The following SORCS2 variants were observed in gnomAD, a reference collection of about 807,000 sequenced individuals.
SORCS2 encodes the protein sortilin related VPS10 domain containing receptor 2.
A neutral mutation model predicts 141.6 loss-of-function variants in SORCS2; 100 were observed. That is an observed-to-expected ratio of 0.71 (90% CI 0.60 to 0.83). SORCS2 has a LOEUF of 0.83. Ranked by LOEUF, SORCS2 falls within the 40% of genes least tolerant of loss-of-function variation. The pLI, the probability that SORCS2 is intolerant of heterozygous loss-of-function variation, is 0.00. For missense variants in SORCS2, 1,646 were observed against 1,560.2 expected (o/e 1.05, Z -0.93); for synonymous variants, 789 against 676.9 (o/e 1.17, Z -2.57).
In SORCS2 at chr4:7,386,495, G is replaced by A. The variant is rs570583580; in HGVS notation, c.481-9793G>A. On this transcript the variant is annotated intron_variant, in intron 1 of 26. Coordinates refer to ENST00000507866, the MANE Select transcript of SORCS2 (RefSeq NM_020777.3). Reference sequence around the variant, plus strand: ...CACACACATACACATTTGCACACACGCACACACATGCCCACCATACACATG... The same window carrying A: ...CACACACATACACATTTGCACACACACACACACATGCCCACCATACACATG... 2.1e-3 allele frequency among the ~76,000 whole-genome samples: 112 copies of A among 54,204 alleles called. 7 individuals carry two copies. Among genetic ancestry groups the A allele is most frequent in the South Asian group, 8.6e-4 (1 of 1,166 alleles). 35.6% of individuals were successfully genotyped at this position (54,204 alleles called of 152,430 possible). A position where few individuals can be genotyped will look rare whatever the true frequency, so the allele number is the denominator to read the frequency against.
At position 7,376,422 on chromosome 4, in the gene SORCS2, CA is replaced by C. The variant is rs567639259; in HGVS notation, c.481-19861del. Among the ~76,000 whole-genome samples the C allele has an allele frequency of 5.9e-5, 9 of 152,166 alleles. 1 individual carries two copies. In the South Asian group the frequency reaches 1.9e-3, roughly 32 times the overall value. ...TGAAACCCCGTCTTTACGAAAAATACAAAAATTAGCCGGGTGTGGTGGTGGG... is the reference window on the plus strand; with the variant it reads ...TGAAACCCCGTCTTTACGAAAAATACAAAATTAGCCGGGTGTGGTGGTGGG... On this transcript the variant is annotated intron_variant, in intron 1 of 26. Coordinates refer to ENST00000507866, the MANE Select transcript of SORCS2 (RefSeq NM_020777.3).
chr4:7,733,656 C>T (rs1206306712), intron 24 of SORCS2, among the ~76,000 whole-genome samples: 1 of 152,228 alleles, frequency 6.6e-6, no homozygotes, highest in African/African-American at 2.4e-5. Flanking sequence ...CTCGGATAAT[C>T]TCTGCCCCTT....
chr4:7,566,176 G>A (rs1182256333), intron 3 of SORCS2, among the ~76,000 whole-genome samples: 3 of 151,444 alleles, frequency 2.0e-5, no homozygotes, highest in African/African-American at 7.3e-5. Flanking sequence ...GATGGTGATG[G>A]TAGTGATATT....
Position 7,241,772 on chromosome 4 carries a change from G to A in SORCS2, c.480+48646G>A, listed in dbSNP as rs139573990. 4.6e-3 allele frequency among the ~76,000 whole-genome samples: 700 copies of A among 152,310 alleles called. 4 individuals carry two copies. The highest frequency in any genetic ancestry group is 0.014 in the Middle Eastern group (4 of 294). On this transcript the variant is annotated intron_variant, in intron 1 of 26. Transcript: ENST00000507866. ...GGGTGCTTCTGAGTGCCTCACATCC[G>A]TTTGCTGAAAGTGCTGCAGAGCGAC...
chr4:7,202,493 C>T (rs1727532795), intron 1 of SORCS2, among the ~76,000 whole-genome samples: 1 of 152,152 alleles, frequency 6.6e-6, no homozygotes, highest in Non-Finnish European at 1.5e-5. Flanking sequence ...CTTCTCACAC[C>T]AGCTCGAAGA....
intron 1 of SORCS2, among the ~76,000 whole-genome samples, chr4:7,282,720 G>A (rs751088285): frequency 6.6e-6 from 1 of 152,164 alleles, no homozygotes; most frequent in Admixed American, 6.5e-5. Context: ...AGATGAGGAA[G>A]GAAACTGGGG....
intron 14 of SORCS2, among the ~76,000 whole-genome samples, chr4:7,710,739 A>G (rs1725775646): frequency 6.6e-6 from 1 of 152,166 alleles, no homozygotes; most frequent in Non-Finnish European, 1.5e-5. Context: ...GGCCCACAAG[A>G]TTCCTCTGTT....
At chr4:7,311,028 G>A (rs991234610) in intron 1 of SORCS2, among the ~76,000 whole-genome samples, 3 of 152,132 alleles carry the variant, frequency 2.0e-5, no homozygotes, top group Non-Finnish European at 2.9e-5. Context: ...GCCACAATAG[G>A]TAGGGGCCAC....
chr4:7,437,670 C>T (rs1338210440), intron 2 of SORCS2, among the ~76,000 whole-genome samples: 2 of 152,124 alleles, frequency 1.3e-5, no homozygotes, highest in Non-Finnish European at 2.9e-5. Flanking sequence ...CAGCAAATTC[C>T]AAGGGTTGGA....
intron 2 of SORCS2, among the ~76,000 whole-genome samples, chr4:7,411,009 G>T (rs1287442864): frequency 7.7e-6 from 1 of 130,528 alleles, no homozygotes; most frequent in Non-Finnish European, 1.6e-5. Flanking sequence ...AGGCCAGAGT[G>T]TAGTGGTGTG....
At chr4:7,215,369 G>T (rs554468570) in intron 1 of SORCS2, among the ~76,000 whole-genome samples, 2 of 152,340 alleles carry the variant, frequency 1.3e-5, no homozygotes, top group South Asian at 4.1e-4. Context: ...CTTTCCGCGG[G>T]GCAGGGCTCG....
At chr4:7,374,978 G>A (rs747382519) in intron 1 of SORCS2, among the ~76,000 whole-genome samples, 13 of 152,298 alleles carry the variant, frequency 8.5e-5, no homozygotes, top group Admixed American at 1.3e-4. Flanking sequence ...CAGGCAAATT[G>A]ACATTTGTAT....
In SORCS2 at chr4:7,605,674, G is replaced by A. The variant is rs1027417892; in HGVS notation, c.649-32654G>A. ...GCTGCCATATTGCCAGAAAGAGGCCGTCTCCCTGGTGGATGTTTTGGGATC... is the reference window on the plus strand; with the variant it reads ...GCTGCCATATTGCCAGAAAGAGGCCATCTCCCTGGTGGATGTTTTGGGATC... On this transcript the variant is annotated intron_variant, in intron 3 of 26. Coordinates refer to ENST00000507866, the MANE Select transcript of SORCS2 (RefSeq NM_020777.3). Among the ~76,000 whole-genome samples, 15 of 152,150 alleles carry A rather than the reference G, an allele frequency of 9.9e-5. 1 individual carries two copies. Among genetic ancestry groups the A allele is most frequent in the African/African-American group, 4.8e-5 (2 of 41,422 alleles).
At chr4:7,636,311 G>A (rs540699605) in intron 3 of SORCS2, among the ~76,000 whole-genome samples, 40 of 152,330 alleles carry the variant, frequency 2.6e-4, no homozygotes, top group African/African-American at 8.7e-4. Flanking sequence ...TGCCTCACCC[G>A]CATCTCTGCG....
chr4:7,520,649 CA>C (rs1326346834), intron 2 of SORCS2, among the ~76,000 whole-genome samples: 11 of 152,216 alleles, frequency 7.2e-5, no homozygotes, highest in African/African-American at 2.2e-4. Context: ...GAGGTGGGCA[CA>C]GGCACCGGGG....
At chr4:7,588,678 C>T (rs1716704058) in intron 3 of SORCS2, among the ~76,000 whole-genome samples, 1 of 152,178 alleles carries the variant, frequency 6.6e-6, no homozygotes, top group African/African-American at 2.4e-5. Context: ...TCCTGGAAAA[C>T]TGGAGTTGGA....
At chr4:7,623,203 ACACTGATGCCC>A (rs1719316403) in intron 3 of SORCS2, among the ~76,000 whole-genome samples, 2 of 152,106 alleles carry the variant, frequency 1.3e-5, no homozygotes, top group Non-Finnish European at 2.9e-5. Flanking sequence ...ACACTCAGAG[ACACTGATGCCC>A]CACCTTTGAC....
At chr4:7,571,731 G>C (rs775966467) in intron 3 of SORCS2, among the ~76,000 whole-genome samples, 24 of 152,292 alleles carry the variant, frequency 1.6e-4, no homozygotes, top group Admixed American at 2.6e-4. Context: ...AAGGGGCCAA[G>C]GCCAGCAGCT....
intron 1 of SORCS2, among the ~76,000 whole-genome samples, chr4:7,390,574 C>T (rs1225845068): frequency 2.6e-5 from 4 of 152,286 alleles, no homozygotes; most frequent in Middle Eastern, 3.4e-3. Context: ...CGCGTCTCTC[C>T]GTAAGGAGCT....
Sources: allele counts gnomAD v4.1 joint callset (sites outside exome capture counted in the v4.1 genomes callset), GRCh38; gene constraint gnomAD v4.1.1; transcripts MANE v1.5; gene names NCBI Gene and HGNC (gene_info 2026-07-23, HGNC 2026-07-21).